Variants in LRP1B observed in about 807,000 individuals in gnomAD.
LRP1B encodes LDL receptor related protein 1B, also known as low-density lipoprotein receptor-related protein 1B.
A neutral mutation model predicts 556.6 loss-of-function variants in LRP1B; 217 were observed. The observed-to-expected ratio is 0.39, with a 90% CI of 0.35 to 0.44. The LOEUF is 0.44. Among genes scored for constraint, LRP1B ranks in the 20% least tolerant of loss-of-function variants. The pLI is 1.00. For missense variants in LRP1B, 5,053 were observed against 5,620.8 expected (o/e 0.90, Z 3.23); for synonymous variants, 2,047 against 1,865.8 (o/e 1.10, Z -2.50).
chr2:141,865,400 G>T (rs1156272344), intron 1 of LRP1B, among the ~76,000 whole-genome samples: 3 of 151,580 alleles, frequency 2.0e-5, no homozygotes, highest in East Asian at 2.0e-4. Flanking sequence ...AGACCATCCC[G>T]GCTAAAACGG....
intron 1 of LRP1B, among the ~76,000 whole-genome samples, chr2:142,005,214 G>A (rs897318833): frequency 1.3e-5 from 2 of 150,904 alleles, no homozygotes; most frequent in Non-Finnish European, 2.9e-5. Context: ...CAGACCACTC[G>A]GTTCAAAAAT....
chr2:142,122,142 T>G (rs1372616349), intron 1 of LRP1B, among the ~76,000 whole-genome samples: 1 of 152,062 alleles, frequency 6.6e-6, no homozygotes, highest in African/African-American at 2.4e-5. Context: ...TCTGGTGGTG[T>G]TTTCATAGAC....
intron 23 of LRP1B, 37 bp downstream of exon 23, chr2:140,902,883 T>G: frequency 6.3e-7 from 1 of 1,599,406 alleles, no homozygotes; most frequent in Non-Finnish European, 8.5e-7. Context: ...CAAGATCTAT[T>G]CTTAAATATA....
At chr2:140,859,846 T>C (rs1362646252) in intron 27 of LRP1B, among the ~76,000 whole-genome samples, 1 of 151,700 alleles carries the variant, frequency 6.6e-6, no homozygotes, top group African/African-American at 2.4e-5. Context: ...TACAAAAAAA[T>C]TAGCCGAGTG....
intron 2 of LRP1B, among the ~76,000 whole-genome samples, chr2:141,665,684 G>A (rs114659761): frequency 7.2e-5 from 11 of 152,174 alleles, no homozygotes; most frequent in Non-Finnish European, 7.4e-5. Flanking sequence ...ACGCAAATGC[G>A]CATCAATGAT....
rs1022087894 is a variant in LRP1B, at chr2:140,287,010, G to A, written c.12967+10798C>T. On this transcript the variant is annotated intron_variant, in intron 84 of 90. Transcript: ENST00000389484. ...TGAGAAACCAAAGTTATAGAATACT[G>A]TTTGTTAGTTCATATATATTTACTT... Among the ~76,000 whole-genome samples the A allele has an allele frequency of 7.3e-5, 11 of 151,720 alleles. No homozygotes were observed. In the South Asian group the frequency reaches 2.3e-3, roughly 31 times the overall value.
At chr2:141,303,095 T>A (rs943203561) in intron 3 of LRP1B, among the ~76,000 whole-genome samples, 1 of 152,086 alleles carries the variant, frequency 6.6e-6, no homozygotes, top group African/African-American at 2.4e-5. Context: ...TAATTGGAGA[T>A]CTATCTTTTT....
intron 2 of LRP1B, among the ~76,000 whole-genome samples, chr2:141,623,481 C>T (rs1688578649): frequency 6.6e-6 from 1 of 152,092 alleles, no homozygotes; most frequent in Admixed American, 6.5e-5. Context: ...TTAAACGCTG[C>T]CTTTATCTTT....
At chr2:141,893,506 A>T (rs984047681) in intron 1 of LRP1B, among the ~76,000 whole-genome samples, 4 of 151,794 alleles carry the variant, frequency 2.6e-5, no homozygotes, top group Admixed American at 2.0e-4. Flanking sequence ...TTTTTTACAT[A>T]CTTCCTTATT....
chr2:141,214,220 T>C (rs1248205661), intron 6 of LRP1B, among the ~76,000 whole-genome samples: 1 of 152,164 alleles, frequency 6.6e-6, no homozygotes, highest in East Asian at 1.9e-4. Context: ...AGGTGGTCAA[T>C]TCTTAAACTC....
intron 2 of LRP1B, among the ~76,000 whole-genome samples, chr2:141,533,637 T>A (rs1684967070): frequency 6.6e-6 from 1 of 152,168 alleles, no homozygotes; most frequent in Non-Finnish European, 1.5e-5. Context: ...AGGACACCAT[T>A]AACTTATACT....
intron 86 of LRP1B, among the ~76,000 whole-genome samples, chr2:140,262,618 C>T (rs937358220): frequency 2.6e-5 from 4 of 152,086 alleles, no homozygotes; most frequent in Admixed American, 1.3e-4. Context: ...AAATGGGTCC[C>T]TCTAGTGTTG....
chr2:140,362,841 T>C (rs1682579117), intron 72 of LRP1B, among the ~76,000 whole-genome samples: 1 of 151,644 alleles, frequency 6.6e-6, no homozygotes, highest in South Asian at 2.1e-4. Flanking sequence ...AGTATATATT[T>C]TTGTGCACAT....
intron 83 of LRP1B, among the ~76,000 whole-genome samples, chr2:140,298,544 A>G (rs1459814145): frequency 6.6e-6 from 1 of 152,186 alleles, no homozygotes; most frequent in African/African-American, 2.4e-5. Context: ...CATAAGTGCT[A>G]AATCTAATTT....
intron 2 of LRP1B, among the ~76,000 whole-genome samples, chr2:141,634,823 T>C (rs1449698030): frequency 6.6e-6 from 1 of 151,952 alleles, no homozygotes; most frequent in East Asian, 1.9e-4. Flanking sequence ...TCCAGAAACA[T>C]TTGACTGGAC....
chr2:141,856,655 A>G (rs912559951), intron 1 of LRP1B, among the ~76,000 whole-genome samples: 1 of 152,156 alleles, frequency 6.6e-6, no homozygotes, highest in South Asian at 2.1e-4. Context: ...ACCCAGAGGT[A>G]TACAAAACAA....
intron 89 of LRP1B, among the ~76,000 whole-genome samples, chr2:140,237,418 C>G (rs566605597): frequency 6.6e-6 from 1 of 150,942 alleles, no homozygotes; most frequent in South Asian, 2.1e-4. Context: ...TATATCTTGG[C>G]TATTGTGAAT....
At chr2:140,412,273 T>C (rs1282622639) in intron 66 of LRP1B, among the ~76,000 whole-genome samples, 1 of 152,132 alleles carries the variant, frequency 6.6e-6, no homozygotes, top group Non-Finnish European at 1.5e-5. Context: ...ATTTCATTGG[T>C]AATAATAAAC....
At chr2:141,083,208 A>G (rs572960466) in intron 7 of LRP1B, among the ~76,000 whole-genome samples, 1 of 152,164 alleles carries the variant, frequency 6.6e-6, no homozygotes, top group African/African-American at 2.4e-5. Flanking sequence ...TACATTTCCT[A>G]TATCTAAAAA....
Sources: gnomAD v4.1 joint callset for allele counts (sites outside exome capture counted in the v4.1 genomes callset) on GRCh38, gnomAD v4.1.1 for gene constraint, MANE v1.5 for transcripts, NCBI Gene and HGNC (gene_info 2026-07-23, HGNC 2026-07-21) for gene names.